Variants in UBE2D4 observed in about 807,000 individuals in gnomAD.
UBE2D4 encodes ubiquitin conjugating enzyme E2 D4.
UBE2D4 carries 17 observed loss-of-function variants against 23.0 expected under a neutral mutation model. The observed-to-expected ratio is 0.74, with a 90% CI of 0.51 to 1.11. UBE2D4 has a LOEUF of 1.11. UBE2D4 is among the 50% of genes least tolerant of loss of function. UBE2D4 has a pLI of 0.00. For missense variants in UBE2D4, 139 were observed against 181.8 expected, an observed-to-expected ratio of 0.76 and a Z score of 1.35; for synonymous variants, 61 against 69.4, an observed-to-expected ratio of 0.88 and a Z score of 0.60.
chr7:43,927,299 CT>C (rs71769283), intron 1 of UBE2D4, among the ~76,000 whole-genome samples: 11,298 of 131,154 alleles, frequency 0.086, 399 homozygotes, highest in African/African-American at 0.16. Flanking sequence ...GTATTTATAA[CT>C]TTTTTTTTTT....
chr7:43,952,347 T>A, intron 6 of UBE2D4: 1 of 329,636 alleles, frequency 3.0e-6, no homozygotes, highest in Non-Finnish European at 5.9e-6. Flanking sequence ...TGCATCCATA[T>A]TGTAGGACAG....
At position 43,928,521 on chromosome 7, in the gene UBE2D4, G is replaced by A. The variant is rs1329163128; in HGVS notation, c.24+1965G>A. 1.3e-5 allele frequency among the ~76,000 whole-genome samples: 2 copies of A among 152,040 alleles called. 1 individual carries two copies. The highest frequency in any genetic ancestry group is 2.9e-5 in the Non-Finnish European group (2 of 68,022). On this transcript the variant is annotated intron_variant, in intron 1 of 6. Coordinates refer to ENST00000222402, the MANE Select transcript of UBE2D4 (RefSeq NM_015983.4). ...CTGTCATCCTAGGACTTTGAAGCAG[G>A]TGAATGACATGCTGAGATCTGTGTT...
intron 1 of UBE2D4, among the ~76,000 whole-genome samples, chr7:43,930,600 G>A (rs147862589): frequency 7.9e-5 from 12 of 152,140 alleles, no homozygotes; most frequent in African/African-American, 2.9e-4. Flanking sequence ...GATTACAGGT[G>A]CCTGCCACCA....
chr7:43,954,444 T>C lies in UBE2D4; in HGVS notation c.*1749T>C, dbSNP rs2096009479. 1 of 152,050 alleles carries C rather than the reference T, an allele frequency of 6.6e-6. No individual in the cohort carries two copies. The highest frequency in any genetic ancestry group is 1.5e-5 in the Non-Finnish European group (1 of 68,030). The allele number at this position is 152,050 out of a possible 1,614,324, so 9.4% of individuals were successfully genotyped here. A position where few individuals can be genotyped will look rare whatever the true frequency, so the allele number is the denominator to read the frequency against. ...CACCATGCTGGGCTAATTTTTGTAT[T>C]TTTAGTGGAGACGGTGTTTCACCAT... On this transcript the variant is annotated 3_prime_UTR_variant, in exon 7 of 7. Coordinates refer to ENST00000222402, the MANE Select transcript of UBE2D4 (RefSeq NM_015983.4).
In UBE2D4 at chr7:43,954,369, G is replaced by T. The variant is rs1194498811; in HGVS notation, c.*1674G>T. On this transcript the variant is annotated 3_prime_UTR_variant, in exon 7 of 7. Transcript: ENST00000222402. ...TGCAACCTCTGCCTCCCAGGTTCAAGCAATTCTCCTGCCTCAGCCTCCCAA... is the reference window on the plus strand; with the variant it reads ...TGCAACCTCTGCCTCCCAGGTTCAATCAATTCTCCTGCCTCAGCCTCCCAA... The T allele has an allele frequency of 6.9e-6, 1 of 144,782 alleles. No homozygotes were observed. Among genetic ancestry groups the T allele is most frequent in the African/African-American group, 2.5e-5 (1 of 39,274 alleles). 9.0% of individuals were successfully genotyped at this position (144,782 alleles called of 1,614,324 possible).
chr7:43,947,582 T>A (rs1451009730), intron 4 of UBE2D4, among the ~76,000 whole-genome samples: 2 of 152,252 alleles, frequency 1.3e-5, no homozygotes, highest in Non-Finnish European at 2.9e-5. Context: ...ATCCAATGTA[T>A]CATTGATGGA....
At chr7:43,929,197 G>A (rs1262029355) in intron 1 of UBE2D4, among the ~76,000 whole-genome samples, 1 of 152,078 alleles carries the variant, frequency 6.6e-6, no homozygotes, top group Admixed American at 6.5e-5. Context: ...GGCCAAGGCG[G>A]GTGTATCATT....
rs542070619 is a variant in UBE2D4, at chr7:43,928,903, G to A, written c.24+2347G>A. ...GCTGATAAGATTTATAAAAGGGAGC[G>A]TTTGGAAAAACAAGTTTGGGCCTTG... On this transcript the variant is annotated intron_variant, in intron 1 of 6. Coordinates refer to ENST00000222402, the MANE Select transcript of UBE2D4 (RefSeq NM_015983.4). Among the ~76,000 whole-genome samples, 37 of 152,212 alleles carry A rather than the reference G, an allele frequency of 2.4e-4. 1 individual carries two copies. Among genetic ancestry groups the A allele is most frequent in the Middle Eastern group, 6.8e-3 (2 of 294 alleles).
intron 5 of UBE2D4, among the ~76,000 whole-genome samples, chr7:43,949,763 G>T (rs1188479369): frequency 6.6e-6 from 1 of 152,232 alleles, no homozygotes; most frequent in East Asian, 1.9e-4. Context: ...CCCTAGGGTT[G>T]CTGAGAGCCA....
At chr7:43,927,182 AT>A (rs1418613992) in intron 1 of UBE2D4, among the ~76,000 whole-genome samples, 1 of 152,138 alleles carries the variant, frequency 6.6e-6, no homozygotes, top group Non-Finnish European at 1.5e-5. Context: ...ATTTGTTAAC[AT>A]TTTAGCATAC....
intron 1 of UBE2D4, among the ~76,000 whole-genome samples, chr7:43,932,225 G>A (rs1225625238): frequency 7.9e-5 from 12 of 151,514 alleles, no homozygotes; most frequent in African/African-American, 2.7e-4. Context: ...TCCTGACCTC[G>A]TGATCCACCC....
rs184338139 is a variant in UBE2D4 at position 43,953,207 on chromosome 7, T to C, written c.*512T>C. Reference sequence around the variant, plus strand: ...GAGTCTCAGCTTATCCTGGAGGGAATTGGGAACAGTGTCACTGGGAAGTGA... The same window carrying C: ...GAGTCTCAGCTTATCCTGGAGGGAACTGGGAACAGTGTCACTGGGAAGTGA... On this transcript the variant is annotated 3_prime_UTR_variant, in exon 7 of 7. Coordinates refer to ENST00000222402, the MANE Select transcript of UBE2D4 (RefSeq NM_015983.4). 5.2e-4 allele frequency: 237 copies of C among 456,648 alleles called. No individual in the cohort carries two copies. Among genetic ancestry groups the C allele is most frequent in the African/African-American group, 3.4e-3 (169 of 50,180 alleles). 28.3% of individuals were successfully genotyped at this position (456,648 alleles called of 1,614,324 possible). A position where few individuals can be genotyped will look rare whatever the true frequency, so the allele number is the denominator to read the frequency against.
intron 1 of UBE2D4, among the ~76,000 whole-genome samples, chr7:43,933,346 A>G (rs2095951422): frequency 6.6e-6 from 1 of 151,898 alleles, no homozygotes; most frequent in Admixed American, 6.6e-5. Context: ...GTTATTCTGT[A>G]GTCTTTAAAA....
chr7:43,950,791 C>G lies in UBE2D4; in HGVS notation c.398+99C>G. On this transcript the variant is annotated intron_variant, in intron 6 of 6. Transcript: ENST00000222402. ...CTGGTGCTTCTAGGCTGCAGGTTCC[C>G]ACAGACATCTTCCTGCCCATGCTGA... is the stretch of plus-strand genomic sequence containing the variant. 4.2e-6 allele frequency: 4 copies of G among 961,206 alleles called. No homozygotes were observed. The South Asian group carries it at 5.4e-5, about 13-fold the overall frequency. The allele number at this position is 961,206 out of a possible 1,614,324, so 59.5% of individuals were successfully genotyped here. A position where few individuals can be genotyped will look rare whatever the true frequency, so the allele number is the denominator to read the frequency against.
In UBE2D4 at chr7:43,948,873, T is replaced by C. The variant is rs1021142374; in HGVS notation, c.304+136T>C. 5 of 682,134 alleles carry C rather than the reference T, an allele frequency of 7.3e-6. No individual in the cohort carries two copies. In the African/African-American group the frequency reaches 8.9e-5, roughly 12 times the overall value. The allele number at this position is 682,134 out of a possible 1,614,324, so 42.3% of individuals were successfully genotyped here. A position where few individuals can be genotyped will look rare whatever the true frequency, so the allele number is the denominator to read the frequency against. On this transcript the variant is annotated intron_variant, in intron 5 of 6. Coordinates refer to ENST00000222402, the MANE Select transcript of UBE2D4 (RefSeq NM_015983.4). ...ATAGCCCTGTCCACTGCTGTGCCCT[T>C]AAGTGGATATCCTTACACGCCTACG...
Position 43,946,665 on chromosome 7 carries a change from G to T in UBE2D4, c.199-1967G>T, listed in dbSNP as rs370261089. Among the ~76,000 whole-genome samples, 94 of 152,150 alleles carry T rather than the reference G, an allele frequency of 6.2e-4. 1 individual carries two copies. In the South Asian group the frequency reaches 0.019, roughly 31 times the overall value. On this transcript the variant is annotated intron_variant, in intron 4 of 6. Transcript: ENST00000222402. ...TCTTTTTAAACAGGTGTAATATTCT[G>T]TTGCTTATATATAACATTAATTTAA...
rs751146635 is a variant in UBE2D4, at chr7:43,952,636, CT to C, written c.399-8del. The C allele has an allele frequency of 3.7e-6, 6 of 1,612,836 alleles. No homozygotes were observed. In the African/African-American group the frequency reaches 6.7e-5, roughly 18 times the overall value. On this transcript the variant is annotated splice_polypyrimidine_tract_variant and intron_variant, in intron 6 of 6. Transcript: ENST00000222402. ...TCAAGTGAGGGTGTCACTTCCTCTG[CT>C]TTTTTATTCCAGGTACAACAGACTA... is the stretch of plus-strand genomic sequence containing the variant.
At chr7:43,945,402 A>G (rs2095983734) in intron 4 of UBE2D4, among the ~76,000 whole-genome samples, 1 of 152,244 alleles carries the variant, frequency 6.6e-6, no homozygotes, top group East Asian at 1.9e-4. Context: ...CTATGAGAGA[A>G]GAAAGTGCTT....
rs2096011142 is a variant in UBE2D4, at chr7:43,955,322, G to A, written c.*2627G>A. 6.6e-6 allele frequency: 1 copy of A among 152,122 alleles called. No homozygotes were observed. The highest frequency in any genetic ancestry group is 2.4e-5 in the African/African-American group (1 of 41,424). The allele number at this position is 152,122 out of a possible 1,614,324, so 9.4% of individuals were successfully genotyped here. ...TTTTCTCTGTGGACAAGAGTGATCA[G>A]AAAGGTGCTTGATCTTGAACAATTG... On this transcript the variant is annotated 3_prime_UTR_variant, in exon 7 of 7. Coordinates refer to ENST00000222402, the MANE Select transcript of UBE2D4 (RefSeq NM_015983.4).
Sources: gnomAD v4.1 joint callset for allele counts (sites outside exome capture counted in the v4.1 genomes callset) on GRCh38, gnomAD v4.1.1 for gene constraint, MANE v1.5 for transcripts, NCBI Gene and HGNC (gene_info 2026-07-23, HGNC 2026-07-21) for gene names.